The following ST18 variants were observed in gnomAD, a reference collection of about 807,000 sequenced individuals.
ST18 encodes the protein suppression of tumorigenicity 18 protein.
Under a neutral mutation model 110.0 loss-of-function variants are expected in ST18, and 50 were observed. That is an observed-to-expected ratio of 0.45 (90% CI 0.36 to 0.58). ST18 has a LOEUF of 0.58. Ranked by LOEUF, ST18 falls within the 20% of genes least tolerant of loss-of-function variation. ST18 has a pLI of 0.00. For missense variants in ST18, 1,306 were observed against 1,280.1 expected (o/e 1.02, Z -0.31); for synonymous variants, 461 against 452.4 (o/e 1.02, Z -0.24).
In ST18 at chr8:52,112,527, G is replaced by A. The variant is rs2040831019; in HGVS notation, c.*671C>T. ...ATTATTGCTAACAAATTCTGAGCAG[G>A]CTGTTTTCCAGCATCCTGTGCTTTT... On this transcript the variant is annotated 3_prime_UTR_variant, in exon 26 of 26. Coordinates refer to ENST00000689386, the MANE Select transcript of ST18 (RefSeq NM_001352837.2). The A allele has an allele frequency of 6.6e-6, 1 of 152,624 alleles. No homozygotes were observed. The highest frequency in any genetic ancestry group is 6.5e-5 in the Admixed American group (1 of 15,280). 9.5% of individuals were successfully genotyped at this position (152,624 alleles called of 1,614,324 possible).
chr8:52,390,951 G>A (rs1590632506), intron 2 of ST18, among the ~76,000 whole-genome samples: 2 of 152,348 alleles, frequency 1.3e-5, no homozygotes, highest in Non-Finnish European at 2.9e-5. Flanking sequence ...ATCAATAAAT[G>A]GATAACAACA....
chr8:52,228,932 C>G (rs1303708515), intron 3 of ST18, among the ~76,000 whole-genome samples: 1 of 152,124 alleles, frequency 6.6e-6, no homozygotes, highest in Admixed American at 6.5e-5. Flanking sequence ...AGCATGTACT[C>G]ATTTGTACCT....
At chr8:52,393,840 G>A (rs966175414) in intron 2 of ST18, 1 of 143,916 alleles carries the variant, frequency 6.9e-6, no homozygotes, top group Non-Finnish European at 1.5e-5. Flanking sequence ...CTGAGACTGT[G>A]CCATTGTACT....
intron 13 of ST18, among the ~76,000 whole-genome samples, chr8:52,161,876 T>C (rs549778682): frequency 1.3e-5 from 2 of 152,354 alleles, no homozygotes; most frequent in South Asian, 4.1e-4. Flanking sequence ...AGCAGATATT[T>C]GATGCTTATT....
chr8:52,212,621 C>G (rs2082616280), intron 7 of ST18, among the ~76,000 whole-genome samples: 2 of 152,064 alleles, frequency 1.3e-5, no homozygotes, highest in South Asian at 4.1e-4. Context: ...AAATGAAGAA[C>G]TTACAGGAAA....
At chr8:52,359,036 G>A (rs1030626441) in intron 2 of ST18, among the ~76,000 whole-genome samples, 3 of 151,812 alleles carry the variant, frequency 2.0e-5, no homozygotes, top group Admixed American at 1.3e-4. Context: ...CTATGATCAA[G>A]TGTGATTTAT....
chr8:52,173,874 G>A (rs752173902), intron 9 of ST18, among the ~76,000 whole-genome samples: 7 of 152,122 alleles, frequency 4.6e-5, no homozygotes, highest in East Asian at 1.9e-4. Context: ...GTGTCTGTGC[G>A]GAAGACAATG....
chr8:52,122,078 T>A (rs1214563737), intron 23 of ST18, among the ~76,000 whole-genome samples: 2 of 152,200 alleles, frequency 1.3e-5, no homozygotes, highest in Non-Finnish European at 2.9e-5. Context: ...TCTCTTGACC[T>A]GCTGATCCGC....
chr8:52,268,892 A>T (rs750658451), intron 2 of ST18, among the ~76,000 whole-genome samples: 3 of 152,188 alleles, frequency 2.0e-5, no homozygotes, highest in Non-Finnish European at 2.9e-5. Flanking sequence ...GGGGAAGTGC[A>T]GCTACTCTTG....
intron 2 of ST18, among the ~76,000 whole-genome samples, chr8:52,387,946 C>A (rs904423320): frequency 1.3e-5 from 2 of 152,036 alleles, no homozygotes; most frequent in Non-Finnish European, 2.9e-5. Flanking sequence ...TCACTGCCAG[C>A]ACCCTCCCCA....
chr8:52,125,262 C>T (rs1185239219), intron 23 of ST18, among the ~76,000 whole-genome samples: 1 of 152,088 alleles, frequency 6.6e-6, no homozygotes, highest in African/African-American at 2.4e-5. Context: ...TAAGTCCAAA[C>T]CTTCCAGAAT....
intron 2 of ST18, among the ~76,000 whole-genome samples, chr8:52,260,347 T>G (rs1209470288): frequency 1.3e-5 from 2 of 152,200 alleles, no homozygotes; most frequent in Admixed American, 6.5e-5. Context: ...ATAAAGTTCT[T>G]GTTCTTCACA....
chr8:52,342,134 T>C (rs1815341966), intron 2 of ST18, among the ~76,000 whole-genome samples: 1 of 152,228 alleles, frequency 6.6e-6, no homozygotes, highest in Non-Finnish European at 1.5e-5. Flanking sequence ...TGTGAGGTCA[T>C]GCATATGCTA....
At chr8:52,385,938 G>C (rs1040916261) in intron 2 of ST18, among the ~76,000 whole-genome samples, 3 of 152,106 alleles carry the variant, frequency 2.0e-5, no homozygotes, top group Non-Finnish European at 4.4e-5. Context: ...CTAGGGAAGG[G>C]CCCTCACAAA....
chr8:52,138,024 C>G (rs1245735076), intron 17 of ST18, among the ~76,000 whole-genome samples: 1 of 143,816 alleles, frequency 7.0e-6, no homozygotes, highest in African/African-American at 2.6e-5. Flanking sequence ...CGGCTGAACT[C>G]AGGAGGCGGA....
intron 2 of ST18, among the ~76,000 whole-genome samples, chr8:52,250,265 C>A (rs551958343): frequency 2.6e-5 from 4 of 151,740 alleles, no homozygotes; most frequent in African/African-American, 9.7e-5. Context: ...AAAGGACAGG[C>A]TCTGCATCTC....
intron 2 of ST18, among the ~76,000 whole-genome samples, chr8:52,290,654 A>C (rs2095542005): frequency 1.3e-5 from 2 of 151,970 alleles, no homozygotes; most frequent in Non-Finnish European, 2.9e-5. Flanking sequence ...TGAGGTGTGG[A>C]CGACCCTTCT....
intron 2 of ST18, among the ~76,000 whole-genome samples, chr8:52,330,152 T>C (rs1473252947): frequency 2.0e-5 from 3 of 152,234 alleles, no homozygotes; most frequent in Non-Finnish European, 4.4e-5. Context: ...TTTATGTGTC[T>C]AGTAGATTAA....
At chr8:52,398,573 T>C (rs916737245) in intron 2 of ST18, among the ~76,000 whole-genome samples, 1 of 152,164 alleles carries the variant, frequency 6.6e-6, no homozygotes, top group African/African-American at 2.4e-5. Context: ...TTTATTATGT[T>C]GAGGAACTTT....
Sources: allele counts gnomAD v4.1 joint callset (sites outside exome capture counted in the v4.1 genomes callset), GRCh38; gene constraint gnomAD v4.1.1; transcripts MANE v1.5; gene names NCBI Gene and HGNC (gene_info 2026-07-23, HGNC 2026-07-21).